The following UGT1A7 variants were observed in gnomAD, a reference collection of about 807,000 sequenced individuals.
UGT1A7 encodes the protein UDP glucuronosyltransferase family 1 member A7.
In UGT1A7, 33 loss-of-function variants were observed where a neutral mutation model predicts 45.6. That is an observed-to-expected ratio of 0.72 (90% CI 0.55 to 0.97). The LOEUF (loss-of-function observed/expected upper bound fraction) is 0.97, where lower values mean the gene tolerates loss of function less well. Among genes scored for constraint, UGT1A7 ranks in the 50% least tolerant of loss-of-function variants. The pLI is 0.00. For missense variants in UGT1A7, 684 were observed against 666.2 expected, an observed-to-expected ratio of 1.03 and a Z score of -0.29; for synonymous variants, 274 against 250.6, an observed-to-expected ratio of 1.09 and a Z score of -0.88.
rs1240637968 is a variant in UGT1A7 at position 233,729,257 on chromosome 2, T to A, written c.856-37777T>A. 6.2e-7 allele frequency: 1 copy of A among 1,613,994 alleles called. No homozygotes were observed. Among genetic ancestry groups the A allele is most frequent in the Non-Finnish European group, 8.5e-7 (1 of 1,179,936 alleles). On this transcript the variant is annotated intron_variant, in intron 1 of 4. Transcript: ENST00000373426. ...ATTGATGGCAGCCACTGGCTCAGCA[T>A]GCGGGAGGTCTTGCGGGAGCTCCAT...
intron 1 of UGT1A7, among the ~76,000 whole-genome samples, chr2:233,766,279 G>A (rs886209261): frequency 2.6e-5 from 4 of 151,814 alleles, no homozygotes; most frequent in Non-Finnish European, 4.4e-5. Context: ...TCGGTGGCCC[G>A]GGCTCGGTGG....
chr2:233,760,685 A>G (rs575799001), intron 1 of UGT1A7: 11 of 1,614,182 alleles, frequency 6.8e-6, no homozygotes, highest in South Asian at 1.1e-5. Flanking sequence ...TTACTGCACA[A>G]CAAGGAGCTC....
chr2:233,707,032 A>G (rs949515079), intron 1 of UGT1A7, among the ~76,000 whole-genome samples: 22 of 152,226 alleles, frequency 1.4e-4, no homozygotes, highest in African/African-American at 5.3e-4. Context: ...CCAGCCCCCA[A>G]GGTAGAGGAA....
chr2:233,734,819 C>T (rs192367390), intron 1 of UGT1A7, among the ~76,000 whole-genome samples: 11 of 152,204 alleles, frequency 7.2e-5, no homozygotes, highest in South Asian at 2.1e-4. Flanking sequence ...TGTAGTTGTG[C>T]GATTTTGAGT....
intron 1 of UGT1A7, chr2:233,719,737 T>A: frequency 6.2e-7 from 1 of 1,613,180 alleles, no homozygotes; most frequent in Non-Finnish European, 8.5e-7. Context: ...AAACACTTTT[T>A]AAAAAATGTA....
At chr2:233,750,094 G>C (rs1227492206) in intron 1 of UGT1A7, among the ~76,000 whole-genome samples, 2 of 151,908 alleles carry the variant, frequency 1.3e-5, no homozygotes, top group Non-Finnish European at 2.9e-5. Flanking sequence ...GAACAGTTTG[G>C]AGAGCTCAGA....
At chr2:233,695,725 A>T (rs148542326) in intron 1 of UGT1A7, among the ~76,000 whole-genome samples, 100 of 152,204 alleles carry the variant, frequency 6.6e-4, no homozygotes, top group African/African-American at 2.2e-3. Flanking sequence ...TTCCAGTTAC[A>T]TTTATGTTGC....
intron 1 of UGT1A7, among the ~76,000 whole-genome samples, chr2:233,757,777 G>A (rs1409053330): frequency 6.6e-6 from 1 of 151,782 alleles, no homozygotes; most frequent in African/African-American, 2.4e-5. Flanking sequence ...TAATAAGCCT[G>A]TCATTCTGAT....
chr2:233,735,829 A>G (rs1353832025), intron 1 of UGT1A7, among the ~76,000 whole-genome samples: 8 of 152,278 alleles, frequency 5.3e-5, no homozygotes, highest in African/African-American at 1.9e-4. Context: ...AGAATGTTGA[A>G]TATTGGCCCC....
At chr2:233,747,074 A>T (rs1478196307) in intron 1 of UGT1A7, 1 of 1,039,396 alleles carries the variant, frequency 9.6e-7, no homozygotes, top group Non-Finnish European at 1.3e-6. Flanking sequence ...GGTAATAATT[A>T]ACTAGGAGGA....
chr2:233,771,112 C>T (rs1345932660), intron 4 of UGT1A7: 1 of 152,184 alleles, frequency 6.6e-6, no homozygotes. Flanking sequence ...CACTAAAGCA[C>T]AAGGGATCCG....
At chr2:233,765,776 G>T (rs1408785034) in intron 1 of UGT1A7, among the ~76,000 whole-genome samples, 1 of 151,906 alleles carries the variant, frequency 6.6e-6, no homozygotes, top group South Asian at 2.1e-4. Flanking sequence ...GGGATTCATT[G>T]GACCACTGAA....
chr2:233,760,032 T>C (rs1193675988), intron 1 of UGT1A7, among the ~76,000 whole-genome samples: 1 of 152,208 alleles, frequency 6.6e-6, no homozygotes, highest in Non-Finnish European at 1.5e-5. Context: ...GTTCTGGAAG[T>C]ACTTTGCTGT....
At chr2:233,721,654 G>T in intron 1 of UGT1A7, 1 of 220,052 alleles carries the variant, frequency 4.5e-6, no homozygotes, top group Non-Finnish European at 9.3e-6. Context: ...GCAGTGGGGG[G>T]TCATGTAAGG....
rs897493139 is a variant in UGT1A7, at chr2:233,718,976, T to C, written c.855+36184T>C. ...TGCGGGAGGCCTTGCGGGAGCTCCATGCCAGAGGCCACCAGGCGGTGGTCC... is the reference window on the plus strand; with the variant it reads ...TGCGGGAGGCCTTGCGGGAGCTCCACGCCAGAGGCCACCAGGCGGTGGTCC... On this transcript the variant is annotated intron_variant, in intron 1 of 4. Coordinates refer to ENST00000373426, the MANE Select transcript of UGT1A7 (RefSeq NM_019077.3). 8 of 1,614,114 alleles carry C rather than the reference T, an allele frequency of 5.0e-6. No individual in the cohort carries two copies. In the Admixed American group the frequency reaches 1.3e-4, roughly 27 times the overall value.
At chr2:233,713,228 G>T (rs200357281) in intron 1 of UGT1A7, 1 of 1,614,210 alleles carries the variant, frequency 6.2e-7, no homozygotes, top group Admixed American at 1.7e-5. Context: ...CCCTGACAAC[G>T]TATGCCATTT....
intron 1 of UGT1A7, among the ~76,000 whole-genome samples, chr2:233,764,942 G>C (rs12479045): frequency 0.069 from 10,555 of 152,174 alleles, 509 homozygotes; most frequent in East Asian, 0.2. Flanking sequence ...TGAGAGTGGC[G>C]GGGAGAGAGG....
chr2:233,768,607 G>A (rs1227150844), intron 4 of UGT1A7, among the ~76,000 whole-genome samples, 168 bp downstream of exon 4: 1 of 99,376 alleles, frequency 1.0e-5, no homozygotes, highest in South Asian at 3.4e-4. Context: ...TTTTTTTTGA[G>A]ATGGAGTCTT....
At chr2:233,700,602 C>G (rs2075575052) in intron 1 of UGT1A7, among the ~76,000 whole-genome samples, 1 of 151,936 alleles carries the variant, frequency 6.6e-6, no homozygotes, top group Non-Finnish European at 1.5e-5. Context: ...ACAATTCACT[C>G]TTTTTTTGGG....
Sources: allele counts gnomAD v4.1 joint callset (sites outside exome capture counted in the v4.1 genomes callset), GRCh38; gene constraint gnomAD v4.1.1; transcripts MANE v1.5; gene names NCBI Gene and HGNC (gene_info 2026-07-23, HGNC 2026-07-21).